Variants in MGAT4C observed in about 807,000 individuals in gnomAD.
MGAT4C encodes the protein alpha-1,3-mannosyl-glycoprotein 4-beta-N-acetylglucosaminyltransferase C.
Under a neutral mutation model 40.1 loss-of-function variants are expected in MGAT4C, and 19 were observed. The observed-to-expected ratio is 0.47, with a 90% CI of 0.33 to 0.70. MGAT4C has a LOEUF of 0.70. Ranked by LOEUF, MGAT4C falls within the 30% of genes least tolerant of loss-of-function variation. MGAT4C has a pLI of 0.02. For missense variants in MGAT4C, 491 were observed against 563.2 expected, an observed-to-expected ratio of 0.87 and a Z score of 1.30; for synonymous variants, 181 against 187.1, an observed-to-expected ratio of 0.97 and a Z score of 0.27.
In MGAT4C at chr12:86,764,247, A is replaced by G. The variant is rs554624796; in HGVS notation, c.-261-37006T>C. ...GGCTTGGAGGGTCCTATGCCCACGGAGTCTCGCTGATTGCTAGCACAGCAG... is the reference window on the plus strand; with the variant it reads ...GGCTTGGAGGGTCCTATGCCCACGGGGTCTCGCTGATTGCTAGCACAGCAG... On this transcript the variant is annotated intron_variant, in intron 1 of 7. Transcript: ENST00000548651. Among the ~76,000 whole-genome samples, 570 of 152,246 alleles carry G rather than the reference A, an allele frequency of 3.7e-3. 2 individuals carry two copies. Among genetic ancestry groups the G allele is most frequent in the Non-Finnish European group, 5.4e-3 (368 of 68,022 alleles).
intron 2 of MGAT4C, chr12:86,495,379 A>G: frequency 6.6e-6 from 1 of 152,040 alleles, no homozygotes; most frequent in Admixed American, 6.6e-5. Flanking sequence ...AAATATAGGA[A>G]TTATACCTAT....
rs1565740545 is a variant in MGAT4C at position 86,408,500 on chromosome 12, T to TAA, written c.-120+26656_-120+26657insTT. 7.1e-4 allele frequency among the ~76,000 whole-genome samples: 102 copies of TAA among 142,940 alleles called. 2 individuals are homozygous for TAA. The highest frequency in any genetic ancestry group is 2.4e-3 in the African/African-American group (92 of 38,790). 93.8% of individuals were successfully genotyped at this position (142,940 alleles called of 152,430 possible). A position where few individuals can be genotyped will look rare whatever the true frequency, so the allele number is the denominator to read the frequency against. ...CTCTCTATATATATATATATATATA[T>TAA]ATATATATATATATTCTTGCATATT... On this transcript the variant is annotated intron_variant, in intron 3 of 7. Coordinates refer to the MGAT4C transcript ENST00000548651.
intron 4 of MGAT4C, among the ~76,000 whole-genome samples, chr12:86,288,731 T>G (rs906830922): frequency 2.0e-5 from 3 of 152,186 alleles, no homozygotes; most frequent in Admixed American, 6.5e-5. Flanking sequence ...AAGTGTCTGT[T>G]CATGTTCTTT....
chr12:86,598,041 T>G (rs1188932043), intron 2 of MGAT4C, among the ~76,000 whole-genome samples: 3 of 152,158 alleles, frequency 2.0e-5, no homozygotes, highest in Non-Finnish European at 2.9e-5. Context: ...TTTTTATCCT[T>G]TATACTTTAC....
At chr12:86,648,995 A>T (rs1963623142) in intron 2 of MGAT4C, among the ~76,000 whole-genome samples, 1 of 151,866 alleles carries the variant, frequency 6.6e-6, no homozygotes, top group Admixed American at 6.6e-5. Flanking sequence ...ATCCATTATA[A>T]CAATTTTATT....
rs1260410501 is a variant in MGAT4C at position 86,094,001 on chromosome 12, G to A, written c.-56-44278C>T. Among the ~76,000 whole-genome samples the A allele has an allele frequency of 1.1e-4, 16 of 152,142 alleles. No individual in the cohort carries two copies. In the East Asian group the frequency reaches 1.9e-3, roughly 18 times the overall value. Reference sequence around the variant, plus strand: ...ACTCATAGACACTGAAGTTTCACACGTATTCAATGTATTTATTTCAAATTG... The same window carrying A: ...ACTCATAGACACTGAAGTTTCACACATATTCAATGTATTTATTTCAAATTG... On this transcript the variant is annotated intron_variant, in intron 1 of 4. Coordinates refer to ENST00000611864, the MANE Select transcript of MGAT4C (RefSeq NM_001351288.2).
intron 2 of MGAT4C, among the ~76,000 whole-genome samples, chr12:86,460,863 T>G (rs1459206646): frequency 6.6e-6 from 1 of 152,148 alleles, no homozygotes; most frequent in African/African-American, 2.4e-5. Context: ...GTAAACAAGG[T>G]TATGACAGAA....
intron 1 of MGAT4C, among the ~76,000 whole-genome samples, chr12:86,829,124 A>C (rs1052314577): frequency 3.3e-5 from 5 of 151,562 alleles, no homozygotes; most frequent in African/African-American, 1.2e-4. Context: ...GCAAAACACA[A>C]ATCCCCATTC....
chr12:86,263,586 T>C (rs2465147), intron 4 of MGAT4C, among the ~76,000 whole-genome samples: 101,319 of 152,030 alleles, frequency 0.67, 34,196 homozygotes, highest in South Asian at 0.77. Context: ...TTGATGACAC[T>C]TAAGTTGATT....
At chr12:86,188,032 A>C (rs952017160) in intron 1 of MGAT4C, among the ~76,000 whole-genome samples, 1 of 152,028 alleles carries the variant, frequency 6.6e-6, no homozygotes, top group African/African-American at 2.4e-5. Flanking sequence ...TGAGATAAGA[A>C]CCTGATGGGC....
At position 86,277,015 on chromosome 12, in the gene MGAT4C, C is replaced by A. The variant is rs1241420581; in HGVS notation, c.-57+57050G>T. Among the ~76,000 whole-genome samples, 5 of 152,150 alleles carry A rather than the reference C, an allele frequency of 3.3e-5. No homozygotes were observed. In the South Asian group the frequency reaches 6.2e-4, roughly 19 times the overall value. On this transcript the variant is annotated intron_variant, in intron 4 of 7. Coordinates refer to the MGAT4C transcript ENST00000548651. ...TTTTTTGAAGAACCTCCGAACTGTT[C>A]TCCCTAGTGGTTGTACTAATTTACA...
intron 4 of MGAT4C, among the ~76,000 whole-genome samples, chr12:86,297,876 GA>G (rs1448508473): frequency 6.6e-6 from 1 of 152,068 alleles, no homozygotes; most frequent in Non-Finnish European, 1.5e-5. Flanking sequence ...TTAAATATGA[GA>G]GCTTGATGTT....
chr12:86,449,330 T>C (rs1957387750), intron 2 of MGAT4C, among the ~76,000 whole-genome samples: 1 of 152,142 alleles, frequency 6.6e-6, no homozygotes. Context: ...TATTTAGATA[T>C]GCTTTGGTTC....
In MGAT4C at chr12:86,717,068, G is replaced by A. The variant is rs1235249059; in HGVS notation, c.-229+10141C>T. ...TGCAATTGAAACTGACCTCAGAATG[G>A]GAAAAAATAATCAAATGTTGTGCTC... On this transcript the variant is annotated intron_variant, in intron 2 of 7. Transcript: ENST00000548651. Among the ~76,000 whole-genome samples, 9 of 151,738 alleles carry A rather than the reference G, an allele frequency of 5.9e-5. No homozygotes were observed. The East Asian group carries it at 1.4e-3, about 23-fold the overall frequency.
intron 2 of MGAT4C, among the ~76,000 whole-genome samples, chr12:86,640,402 T>C (rs1963345876): frequency 6.6e-6 from 1 of 151,942 alleles, no homozygotes; most frequent in Admixed American, 6.6e-5. Context: ...GAAAGTTATT[T>C]CAACCTGTCC....
At chr12:86,218,098 T>A (rs1950740876) in intron 1 of MGAT4C, among the ~76,000 whole-genome samples, 1 of 152,006 alleles carries the variant, frequency 6.6e-6, no homozygotes, top group South Asian at 2.1e-4. Flanking sequence ...TTGTAAAAGG[T>A]TTTCTTTACC....
intron 1 of MGAT4C, among the ~76,000 whole-genome samples, chr12:86,796,859 T>C (rs1952132738): frequency 6.6e-6 from 1 of 151,904 alleles, no homozygotes; most frequent in Non-Finnish European, 1.5e-5. Flanking sequence ...CATTCCAAAA[T>C]GTAAATATAC....
chr12:86,539,963 C>G (rs1959145198), intron 2 of MGAT4C, among the ~76,000 whole-genome samples: 1 of 152,122 alleles, frequency 6.6e-6, no homozygotes, highest in Non-Finnish European at 1.5e-5. Context: ...TTCTCCCATT[C>G]TGTAGGTTGC....
At chr12:86,637,325 T>G (rs1201873224) in intron 2 of MGAT4C, among the ~76,000 whole-genome samples, 1 of 152,020 alleles carries the variant, frequency 6.6e-6, no homozygotes, top group Non-Finnish European at 1.5e-5. Flanking sequence ...GCATATCTTT[T>G]TCACAACTTT....
Sources: gnomAD v4.1 joint callset for allele counts (sites outside exome capture counted in the v4.1 genomes callset) on GRCh38, gnomAD v4.1.1 for gene constraint, MANE v1.5 for transcripts, NCBI Gene and HGNC (gene_info 2026-07-23, HGNC 2026-07-21) for gene names.